Variants in EYS observed in about 807,000 individuals in gnomAD.
The protein encoded by EYS is EGF-like photoreceptor maintenance factor.
Under a neutral mutation model 282.1 loss-of-function variants are expected in EYS, and 250 were observed. The ratio of observed to expected loss-of-function variants is 0.89; its 90% CI spans 0.80 to 0.98. The LOEUF (loss-of-function observed/expected upper bound fraction) is 0.98, where lower values mean the gene tolerates loss of function less well. EYS is among the 50% of genes least tolerant of loss of function. The pLI, the probability that EYS is intolerant of heterozygous loss-of-function variation, is 0.00. For synonymous variants in EYS, 1,355 were observed against 1,282.9 expected (o/e 1.06, Z -1.20); for missense variants, 4,016 against 3,709.0 (o/e 1.08, Z -2.15).
At chr6:65,626,647 C>G (rs538150083) in intron 2 of EYS, among the ~76,000 whole-genome samples, 4 of 151,948 alleles carry the variant, frequency 2.6e-5, no homozygotes, top group Admixed American at 6.5e-5. Flanking sequence ...GCCATGGACC[C>G]GAATAAGGAG....
chr6:64,657,498 G>A (rs759747823), intron 22 of EYS, among the ~76,000 whole-genome samples: 21 of 152,226 alleles, frequency 1.4e-4, no homozygotes, highest in Non-Finnish European at 3.1e-4. Flanking sequence ...GGTACTGGTT[G>A]TTCCTTTCCA....
chr6:65,497,907 G>A (rs1351199490), intron 2 of EYS, among the ~76,000 whole-genome samples: 2 of 152,144 alleles, frequency 1.3e-5, no homozygotes, highest in African/African-American at 4.8e-5. Flanking sequence ...CATTAGTCTA[G>A]TTTCAAGGTG....
intron 35 of EYS, among the ~76,000 whole-genome samples, chr6:63,952,140 A>G (rs1765622981): frequency 6.6e-6 from 1 of 152,244 alleles, no homozygotes; most frequent in South Asian, 2.1e-4. Context: ...ACAGCGGTTA[A>G]GCATTCCTAC....
At chr6:64,446,206 A>G (rs1000831875) in intron 26 of EYS, among the ~76,000 whole-genome samples, 1 of 152,100 alleles carries the variant, frequency 6.6e-6, no homozygotes, top group African/African-American at 2.4e-5. Context: ...TTTATTTTTC[A>G]CATGTAATTA....
At chr6:64,762,671 A>C (rs947490848) in intron 22 of EYS, among the ~76,000 whole-genome samples, 3 of 151,556 alleles carry the variant, frequency 2.0e-5, no homozygotes, top group Non-Finnish European at 2.9e-5. Flanking sequence ...GAGAATGTAA[A>C]CACACACACA....
intron 12 of EYS, among the ~76,000 whole-genome samples, chr6:65,282,163 C>A (rs186831829): frequency 6.6e-6 from 1 of 151,824 alleles, no homozygotes; most frequent in East Asian, 1.9e-4. Context: ...TATGGCACAG[C>A]ATGGTGAATA....
At chr6:65,484,816 G>T (rs190804817) in intron 5 of EYS, among the ~76,000 whole-genome samples, 1 of 152,120 alleles carries the variant, frequency 6.6e-6, no homozygotes, top group Admixed American at 6.6e-5. Context: ...ACAAAACAGT[G>T]GTCAGTAAAC....
chr6:64,139,487 T>C (rs1010293976), intron 31 of EYS, among the ~76,000 whole-genome samples: 2 of 151,974 alleles, frequency 1.3e-5, no homozygotes, highest in South Asian at 2.1e-4. Context: ...ATGAAAGACA[T>C]AGGTAGTAAG....
At chr6:65,283,542 T>C (rs1768280269) in intron 12 of EYS, among the ~76,000 whole-genome samples, 1 of 152,032 alleles carries the variant, frequency 6.6e-6, no homozygotes, top group Non-Finnish European at 1.5e-5. Context: ...TCTCATATTA[T>C]AGACTTGACA....
chr6:65,179,072 G>A (rs1433796486), intron 12 of EYS, among the ~76,000 whole-genome samples: 1 of 151,978 alleles, frequency 6.6e-6, no homozygotes, highest in Non-Finnish European at 1.5e-5. Context: ...ATGTGTAGAG[G>A]GAAATTTATA....
chr6:64,976,597 A>G (rs1247896945), intron 14 of EYS, among the ~76,000 whole-genome samples: 2 of 151,980 alleles, frequency 1.3e-5, no homozygotes, highest in Admixed American at 1.3e-4. Context: ...TGGGGGCTCC[A>G]TGATCTAACC....
intron 22 of EYS, among the ~76,000 whole-genome samples, chr6:64,799,679 G>A (rs1774475671): frequency 6.7e-6 from 1 of 149,436 alleles, no homozygotes; most frequent in Admixed American, 6.7e-5. Flanking sequence ...ATATATATAA[G>A]TACATATATA....
At chr6:64,583,740 A>C (rs1485469417) in intron 26 of EYS, among the ~76,000 whole-genome samples, 1 of 152,062 alleles carries the variant, frequency 6.6e-6, no homozygotes, top group Admixed American at 6.6e-5. Flanking sequence ...GGTTGCAGTG[A>C]GTCGAGATTG....
At chr6:64,096,357 G>A (rs1262115444) in intron 31 of EYS, among the ~76,000 whole-genome samples, 1 of 152,144 alleles carries the variant, frequency 6.6e-6, no homozygotes, top group African/African-American at 2.4e-5. Context: ...TTCCAACTTG[G>A]TTCCATTCTC....
intron 41 of EYS, among the ~76,000 whole-genome samples, chr6:63,751,323 T>A (rs558631076): frequency 6.6e-6 from 1 of 152,180 alleles, no homozygotes; most frequent in Non-Finnish European, 1.5e-5. Context: ...ATAAAAAACA[T>A]TTTGACTTTA....
intron 19 of EYS, among the ~76,000 whole-genome samples, chr6:64,857,708 G>C (rs926269140): frequency 6.6e-6 from 1 of 152,100 alleles, no homozygotes; most frequent in African/African-American, 2.4e-5. Flanking sequence ...GATTTACTAA[G>C]TTACATTCCC....
chr6:65,162,940 T>C (rs1370160509), intron 12 of EYS, among the ~76,000 whole-genome samples: 1 of 151,124 alleles, frequency 6.6e-6, no homozygotes, highest in Non-Finnish European at 1.5e-5. Flanking sequence ...TGTGTGTCTG[T>C]GTGTTCCCAA....
chr6:64,532,517 G>A (rs2150532805), intron 26 of EYS, among the ~76,000 whole-genome samples: 1 of 152,190 alleles, frequency 6.6e-6, no homozygotes, highest in South Asian at 2.1e-4. Context: ...AGACCATCCT[G>A]GCTAACATGG....
intron 12 of EYS, among the ~76,000 whole-genome samples, chr6:65,156,037 C>G (rs570128273): frequency 6.6e-6 from 1 of 151,378 alleles, no homozygotes; most frequent in Non-Finnish European, 1.5e-5. Flanking sequence ...CTTTTAACTT[C>G]TTTTCAAAGA....
Sources: gnomAD v4.1 joint callset for allele counts (sites outside exome capture counted in the v4.1 genomes callset) on GRCh38, gnomAD v4.1.1 for gene constraint, MANE v1.5 for transcripts, NCBI Gene and HGNC (gene_info 2026-07-23, HGNC 2026-07-21) for gene names.